The following NAV2 variants were observed in gnomAD, a reference collection of about 807,000 sequenced individuals.
NAV2 encodes the protein helicase, APC down-regulated 1.
In NAV2, 54 loss-of-function variants were observed where a neutral mutation model predicts 223.2. The observed-to-expected ratio is 0.24, with a 90% confidence interval of 0.19 to 0.30. NAV2 has a LOEUF of 0.30. Among genes scored for constraint, NAV2 ranks in the 10% least tolerant of loss-of-function variants. The probability of loss-of-function intolerance (pLI) is 1.00; values close to 1 mark genes in which losing one functional copy is unlikely to be tolerated. For synonymous variants in NAV2, 1,279 were observed against 1,239.3 expected (o/e 1.03, Z -0.67); for missense variants, 2,806 against 3,147.5 (o/e 0.89, Z 2.60).
intron 28 of NAV2, 48 bp from the exon 29 acceptor site, chr11:20,093,051 C>T: frequency 7.3e-7 from 1 of 1,376,426 alleles, no homozygotes; most frequent in Non-Finnish European, 1.0e-6. Context: ...AGGAAGCTGG[C>T]TTTGCTGTCC....
At chr11:20,086,988 G>A (rs900543015) in intron 26 of NAV2, among the ~76,000 whole-genome samples, 1 of 152,152 alleles carries the variant, frequency 6.6e-6, no homozygotes, top group Non-Finnish European at 1.5e-5. Context: ...CTGGGCAACT[G>A]GAAGAGTTCT....
chr11:19,617,213 AG>A (rs1296005207), intron 1 of NAV2, among the ~76,000 whole-genome samples: 3 of 152,184 alleles, frequency 2.0e-5, no homozygotes, highest in East Asian at 1.9e-4. Context: ...GGTCAGGGAA[AG>A]GATGTATCTT....
chr11:19,937,355 C>CT lies in NAV2; in HGVS notation c.2034-2306_2034-2305insT, dbSNP rs1006140003. 6.7e-5 allele frequency among the ~76,000 whole-genome samples: 10 copies of CT among 150,038 alleles called. No individual in the cohort carries two copies. In the South Asian group the frequency reaches 1.3e-3, roughly 20 times the overall value. On this transcript the variant is annotated intron_variant, in intron 7 of 37. Transcript: ENST00000349880. ...CTATATATAACTTATAATTGCTCCC[C>CT]CCCCGCCCACCAAAACCTCTCCATG...
chr11:20,005,254 T>TATATATA (rs1491300791), intron 11 of NAV2, among the ~76,000 whole-genome samples: 701 of 22,724 alleles, frequency 0.031, 3 homozygotes, highest in African/African-American at 0.053. Context: ...TATATATATA[T>TATATATA]TTTTTTTTTT....
At chr11:19,878,916 C>T (rs1385657462) in intron 4 of NAV2, among the ~76,000 whole-genome samples, 1 of 152,290 alleles carries the variant, frequency 6.6e-6, no homozygotes, top group Admixed American at 6.5e-5. Context: ...TCTTGCTTCA[C>T]GTCTGCCTTT....
At chr11:19,643,936 T>C (rs1292978000) in intron 1 of NAV2, among the ~76,000 whole-genome samples, 1 of 152,250 alleles carries the variant, frequency 6.6e-6, no homozygotes, top group East Asian at 1.9e-4. Flanking sequence ...AATATGTGTG[T>C]TATATTTGAG....
At chr11:19,737,333 T>G (rs2052411734) in intron 1 of NAV2, among the ~76,000 whole-genome samples, 2 of 152,190 alleles carry the variant, frequency 1.3e-5, no homozygotes, top group Admixed American at 6.5e-5. Context: ...CCAGTTACAG[T>G]GCTATGCATC....
At chr11:19,912,112 G>A (rs1403320600) in intron 6 of NAV2, among the ~76,000 whole-genome samples, 1 of 152,164 alleles carries the variant, frequency 6.6e-6, no homozygotes, top group Non-Finnish European at 1.5e-5. Context: ...TAAGCAGAAT[G>A]TCTGTGTTTG....
intron 1 of NAV2, among the ~76,000 whole-genome samples, chr11:19,638,472 C>A (rs1351056889): frequency 1.3e-5 from 2 of 152,186 alleles, no homozygotes; most frequent in Non-Finnish European, 2.9e-5. Context: ...CAGTTACTAA[C>A]CATGTGATTT....
At chr11:19,367,586 A>G (rs1299515436) in intron 1 of NAV2, among the ~76,000 whole-genome samples, 1 of 152,098 alleles carries the variant, frequency 6.6e-6, no homozygotes, top group Non-Finnish European at 1.5e-5. Context: ...CTGGCTCTCT[A>G]GATCCTCCCA....
chr11:19,843,648 A>G (rs1159621888), intron 3 of NAV2, among the ~76,000 whole-genome samples: 1 of 152,218 alleles, frequency 6.6e-6, no homozygotes, highest in East Asian at 1.9e-4. Context: ...TACAAAAAAA[A>G]GTATATTTTC....
chr11:20,060,491 G>C (rs996547944), intron 19 of NAV2, among the ~76,000 whole-genome samples: 1 of 152,228 alleles, frequency 6.6e-6, no homozygotes, highest in African/African-American at 2.4e-5. Flanking sequence ...ATTAGTCATG[G>C]ATGAAGAAAG....
intron 1 of NAV2, among the ~76,000 whole-genome samples, chr11:19,828,823 G>A (rs1444557106): frequency 6.6e-6 from 1 of 152,208 alleles, no homozygotes; most frequent in Non-Finnish European, 1.5e-5. Context: ...GTTTGGCATT[G>A]GTGTGTAGGT....
At chr11:19,623,410 C>G (rs923062398) in intron 1 of NAV2, among the ~76,000 whole-genome samples, 1 of 152,172 alleles carries the variant, frequency 6.6e-6, no homozygotes. Context: ...ACCAATCAGA[C>G]GTAGATTTGG....
intron 1 of NAV2, among the ~76,000 whole-genome samples, chr11:19,634,865 T>A (rs1026928538): frequency 6.6e-6 from 1 of 152,194 alleles, no homozygotes; most frequent in Non-Finnish European, 1.5e-5. Context: ...AATTAGGAAC[T>A]ATCTAGGCAG....
chr11:19,870,417 C>T (rs1254852195), intron 4 of NAV2, among the ~76,000 whole-genome samples: 1 of 152,112 alleles, frequency 6.6e-6, no homozygotes, highest in South Asian at 2.1e-4. Context: ...TGTCCCCCAG[C>T]AGAGCACCAG....
chr11:19,378,017 G>A (rs1446524895), intron 1 of NAV2, among the ~76,000 whole-genome samples: 1 of 152,148 alleles, frequency 6.6e-6, no homozygotes, highest in Non-Finnish European at 1.5e-5. Context: ...TGGAAGATCA[G>A]AGGAGACAGC....
chr11:19,955,984 A>G (rs1294240953), intron 10 of NAV2, among the ~76,000 whole-genome samples: 1 of 152,100 alleles, frequency 6.6e-6, no homozygotes, highest in African/African-American at 2.4e-5. Flanking sequence ...TTTGGAAAGG[A>G]TAGATTCTCG....
intron 1 of NAV2, among the ~76,000 whole-genome samples, chr11:19,793,206 C>CAAAA (rs557365857): frequency 5.0e-3 from 278 of 55,962 alleles, no homozygotes; most frequent in Non-Finnish European, 6.9e-3. Flanking sequence ...CACTCTGTCT[C>CAAAA]AAAAAAAAAA....
Sources: gnomAD v4.1 joint callset for allele counts (sites outside exome capture counted in the v4.1 genomes callset) on GRCh38, gnomAD v4.1.1 for gene constraint, MANE v1.5 for transcripts, NCBI Gene and HGNC (gene_info 2026-07-23, HGNC 2026-07-21) for gene names.